Variants in EPOR observed in about 807,000 individuals in gnomAD.
The protein encoded by EPOR is erythropoietin receptor.
A neutral mutation model predicts 34.3 loss-of-function variants in EPOR; 20 were observed. The ratio of observed to expected loss-of-function variants is 0.58; its 90% confidence interval spans 0.41 to 0.85. The LOEUF is 0.85. EPOR is among the 40% of genes least tolerant of loss of function. The pLI is 0.00. For missense variants in EPOR, 601 were observed against 672.7 expected (o/e 0.89, Z 1.18); for synonymous variants, 312 against 299.0 (o/e 1.04, Z -0.45).
rs2144696910 is a variant in EPOR at position 11,380,986 on chromosome 19, G to A, written c.740-15C>T. On this transcript the variant is annotated splice_polypyrimidine_tract_variant and intron_variant, in intron 5 of 7. Coordinates refer to ENST00000222139, the MANE Select transcript of EPOR (RefSeq NM_000121.4). The stretch of plus-strand genomic sequence containing the variant: ...GGGGTCCAGGTCTAAGAGGCGGGGA[G>A]GAGGTCAGGGCGGTGGGCTTGCCCC... 3 of 1,553,268 alleles carry A rather than the reference G, an allele frequency of 1.9e-6. No homozygotes were observed. The highest frequency in any genetic ancestry group is 2.6e-6 in the Non-Finnish European group (3 of 1,147,722).
Position 11,384,275 on chromosome 19 carries a change from C to T in EPOR, c.-68G>A, listed in dbSNP as rs886054194. On this transcript the variant is annotated 5_prime_UTR_variant, in exon 1 of 8. It adds an upstream start codon to the 5' untranslated region. Transcript: ENST00000222139. ...CGTCCCCCGCCCCCGGCACAGTCCA[C>T]AGCTGGGTCAGCAGCTGCCTCCGCC... 5 of 1,080,354 alleles carry T rather than the reference C, an allele frequency of 4.6e-6. No homozygotes were observed. The highest frequency in any genetic ancestry group is 6.8e-6 in the Non-Finnish European group (5 of 731,526). The allele number at this position is 1,080,354 out of a possible 1,614,324, so 66.9% of individuals were successfully genotyped here.
chr19:11,382,212 T>G, intron 2 of EPOR, 107 bp from the exon 3 acceptor site: 1 of 905,584 alleles, frequency 1.1e-6, no homozygotes, highest in South Asian at 1.6e-5. Context: ...TAGCCTTGTG[T>G]GTGTGTGTGA....
Position 11,378,493 on chromosome 19 carries a change from C to T in EPOR, c.1018G>A (p.Gly340Arg). 6.2e-7 allele frequency: 1 copy of T among 1,614,226 alleles called. No individual in the cohort carries two copies. Among genetic ancestry groups the T allele is most frequent in the South Asian group, 1.1e-5 (1 of 91,086 alleles). The change falls in exon 8 of 8, where the codon GGG (glycine) becomes AGG (arginine). Residue 340 changes from glycine (G) to arginine (R), a missense_variant. Transcript: ENST00000222139. This position sits in a 1 kb window ranked among gnomAD's most constrained non-coding sequence, Gnocchi z 5.3. ...CCCGGCTCCACTGCCTGCATCGTCC[C>T]CCAGCAGCGCTCTGAGAGGACTTCC... ...SLEVLSERCW[G>R]TMQAVEPGTD... is the part of the protein sequence containing the mutation.
chr19:11,379,363 CCTGAGGTCAGGAGTTTG>C lies in EPOR; in HGVS notation c.828-602_828-586del, dbSNP rs200749660. 1.6e-3 allele frequency among the ~76,000 whole-genome samples: 244 copies of C among 152,162 alleles called. 6 individuals carry two copies. The East Asian group carries it at 0.043, about 27-fold the overall frequency. On this transcript the variant is annotated intron_variant, in intron 6 of 7. Transcript: ENST00000222139. ...TTGAGAGGCTGATGTGAGCAGATCACCTGAGGTCAGGAGTTTGAGACCAGCCTGGCCAACATGGTGGA... is the reference window on the plus strand; with the variant it reads ...TTGAGAGGCTGATGTGAGCAGATCACAGACCAGCCTGGCCAACATGGTGGA...
chr19:11,381,791 T>C lies in EPOR; in HGVS notation c.486A>G (p.Val162=), dbSNP rs1459800443. Residue 162 remains valine, a synonymous_variant, in exon 4 of 8, where the codon GTA becomes GTG. Coordinates refer to ENST00000222139, the MANE Select transcript of EPOR (RefSeq NM_000121.4). The surrounding 1 kb of genome is among the most constrained non-coding windows in gnomAD (Gnocchi z 5.3). Reference sequence around the variant, plus strand: ...CAGGCGGCGGGAGCCAGCGCAACACTACGTGGCCGCTCTCGTCAGCCAACC... The same window carrying C: ...CAGGCGGCGGGAGCCAGCGCAACACCACGTGGCCGCTCTCGTCAGCCAACC... ...VARLADESGH[V]VLRWLPPPET... 3 of 1,613,680 alleles carry C rather than the reference T, an allele frequency of 1.9e-6. No individual in the cohort carries two copies. Among genetic ancestry groups the C allele is most frequent in the South Asian group, 2.2e-5 (2 of 91,062 alleles).
Position 11,384,141 on chromosome 19 carries a change from C to A in EPOR, c.67G>T (p.Ala23Ser), listed in dbSNP as rs1359563617. The change falls in exon 1 of 8, where the codon GCC becomes TCC. Residue 23 changes from alanine (A) to serine (S), a missense_variant. Coordinates refer to ENST00000222139, the MANE Select transcript of EPOR (RefSeq NM_000121.4). ...GSLCLLLAGA[A>S]WAPPPNLPDP... ...GGGAGGTTAGGCGGGGGCGCCCAGG[C>A]GGCCCCAGCGAGCAGGAGACAAAGG... is the stretch of plus-strand genomic sequence containing the variant. 17 of 1,549,874 alleles carry A rather than the reference C, an allele frequency of 1.1e-5. No individual in the cohort carries two copies. The highest frequency in any genetic ancestry group is 1.5e-5 in the Non-Finnish European group (17 of 1,146,516).
In EPOR at chr19:11,378,260, C is replaced by T. The variant is rs779543346; in HGVS notation, c.1251G>A (p.Glu417=). 3 of 1,613,994 alleles carry T rather than the reference C, an allele frequency of 1.9e-6. No individual in the cohort carries two copies. The highest frequency in any genetic ancestry group is 1.7e-5 in the Admixed American group (1 of 59,990). The change falls in exon 8 of 8, where the codon GAG becomes GAA. Residue 417 remains glutamate (E), a synonymous_variant. Coordinates refer to ENST00000222139, the MANE Select transcript of EPOR (RefSeq NM_000121.4). The surrounding 1 kb of genome is among the most constrained non-coding windows in gnomAD (Gnocchi z 5.3). ...ACTCAAAGCTGGCAGCAGAGGCTCC[C>T]TCTGGGCTGGGCTTCGAGGCCAAAG... is the stretch of plus-strand genomic sequence containing the variant. ...SSALASKPSP[E]GASAASFEYT...
At position 11,377,630 on chromosome 19, in the gene EPOR, A is replaced by T; in HGVS notation, c.*354T>A. 2 of 482,064 alleles carry T rather than the reference A, an allele frequency of 4.1e-6. No individual in the cohort carries two copies. Among genetic ancestry groups the T allele is most frequent in the Non-Finnish European group, 8.1e-6 (2 of 246,314 alleles). The allele number at this position is 482,064 out of a possible 1,614,324, so 29.9% of individuals were successfully genotyped here. A position where few individuals can be genotyped will look rare whatever the true frequency, so the allele number is the denominator to read the frequency against. ...GAGCTGTTTAACATACTATTTTGTTATGTTATGAGTAGCATTCAGATTGCA... is the reference window on the plus strand; with the variant it reads ...GAGCTGTTTAACATACTATTTTGTTTTGTTATGAGTAGCATTCAGATTGCA... On this transcript the variant is annotated 3_prime_UTR_variant, in exon 8 of 8. Transcript: ENST00000222139.
rs938452346 is a variant in EPOR at position 11,377,756 on chromosome 19, G to A, written c.*228C>T. On this transcript the variant is annotated 3_prime_UTR_variant, in exon 8 of 8. Transcript: ENST00000222139. ...AAGGGTGTTTGTAGAAATCATGGTA[G>A]AAAAACTTACATACATATGTGTATA... 1.5e-6 allele frequency: 1 copy of A among 677,604 alleles called. No individual in the cohort carries two copies. Among genetic ancestry groups the A allele is most frequent in the Non-Finnish European group, 2.7e-6 (1 of 373,242 alleles). The allele number at this position is 677,604 out of a possible 1,614,324, so 42.0% of individuals were successfully genotyped here. A position where few individuals can be genotyped will look rare whatever the true frequency, so the allele number is the denominator to read the frequency against.
In EPOR at chr19:11,380,934, G is replaced by A. The variant is rs574109825; in HGVS notation, c.777C>T (p.Leu259=). ...CGGTCAGCAGCACCAGGATGACCAC[G>A]AGGATGAGGGAGAGCGTCAGGATGA... is the stretch of plus-strand genomic sequence containing the variant. ...DPLILTLSLI[L]VVILVLLTVL... The change falls in exon 6 of 8, where the codon CTC becomes CTT. Residue 259 remains leucine, a synonymous_variant. Transcript: ENST00000222139. 1.3e-5 allele frequency: 20 copies of A among 1,551,960 alleles called. No homozygotes were observed. The highest frequency in any genetic ancestry group is 2.0e-5 in the Admixed American group (1 of 51,000).
At chr19:11,380,549 G>C (rs1441735958) in intron 6 of EPOR, among the ~76,000 whole-genome samples, 1 of 152,208 alleles carries the variant, frequency 6.6e-6, no homozygotes, top group Non-Finnish European at 1.5e-5. Context: ...TTGACCGCAG[G>C]GGTGCGGAGG....
Position 11,384,265 on chromosome 19 carries a change from G to A in EPOR, c.-58C>T, listed in dbSNP as rs1212441161. On this transcript the variant is annotated 5_prime_UTR_variant, in exon 1 of 8. Coordinates refer to ENST00000222139, the MANE Select transcript of EPOR (RefSeq NM_000121.4). ...CCTGCCCCTCCGTCCCCCGCCCCCG[G>A]CACAGTCCACAGCTGGGTCAGCAGC... is the stretch of plus-strand genomic sequence containing the variant. 3 of 1,191,946 alleles carry A rather than the reference G, an allele frequency of 2.5e-6. No homozygotes were observed. Among genetic ancestry groups the A allele is most frequent in the Non-Finnish European group, 2.4e-6 (2 of 832,502 alleles). 73.8% of individuals were successfully genotyped at this position (1,191,946 alleles called of 1,614,324 possible).
In EPOR at chr19:11,378,688, T is replaced by C. The variant is rs771710255; in HGVS notation, c.915+3A>G. 1 of 1,614,166 alleles carries C rather than the reference T, an allele frequency of 6.2e-7. No individual in the cohort carries two copies. Among genetic ancestry groups the C allele is most frequent in the Non-Finnish European group, 8.5e-7 (1 of 1,179,982 alleles). On this transcript the variant is annotated splice_donor_region_variant and intron_variant, in intron 7 of 7. Transcript: ENST00000222139. This position sits in a 1 kb window ranked among gnomAD's most constrained non-coding sequence, Gnocchi z 5.3. ...GCACTGAGGGGACAACCAGGCCACC[T>C]ACCTGGAAGTTACCCTTGTGGGTGG...
chr19:11,381,752 C>T lies in EPOR; in HGVS notation c.525G>A (p.Thr175=), dbSNP rs1188705170. ...CGTCCACCTCGTAGCGGATGTGAGA[C>T]GTCATGGGTGTCTCAGGCGGCGGGA... ...RWLPPPETPM[T]SHIRYEVDVS... The change falls in exon 4 of 8, where the codon ACG becomes ACA. Residue 175 remains threonine (T), a synonymous_variant. Coordinates refer to ENST00000222139, the MANE Select transcript of EPOR (RefSeq NM_000121.4). This position sits in a 1 kb window ranked among gnomAD's most constrained non-coding sequence, Gnocchi z 5.3. 2.5e-6 allele frequency: 4 copies of T among 1,613,234 alleles called. No individual in the cohort carries two copies. The highest frequency in any genetic ancestry group is 3.4e-6 in the Non-Finnish European group (4 of 1,179,758).
chr19:11,378,774 G>C lies in EPOR; in HGVS notation c.832C>G (p.Leu278Val), dbSNP rs749153526. The stretch of plus-strand genomic sequence containing the variant: ...ATGCCAGGCCAGATCTTCTGCTTCA[G>C]AGCCCTGTTGAAGCCAATATAAATA... ...VLALLSHRRA[L>V]KQKIWPGIPS... The change falls in exon 7 of 8, where the codon CTG becomes GTG. Residue 278 changes from leucine (L) to valine (V), a missense_variant. Physicochemically the swap from Leu to Val is conservative, Grantham distance 32 (BLOSUM62 1). Coordinates refer to ENST00000222139, the MANE Select transcript of EPOR (RefSeq NM_000121.4). The surrounding 1 kb of genome is among the most constrained non-coding windows in gnomAD (Gnocchi z 5.3). The C allele has an allele frequency of 1.1e-5, 18 of 1,614,052 alleles. No homozygotes were observed. In the South Asian group the frequency reaches 1.9e-4, roughly 17 times the overall value.
rs1483847243 is a variant in EPOR at position 11,384,123 on chromosome 19, T to G, written c.85A>C (p.Asn29His). 1.3e-6 allele frequency: 2 copies of G among 1,550,362 alleles called. No homozygotes were observed. The highest frequency in any genetic ancestry group is 1.7e-6 in the Non-Finnish European group (2 of 1,146,492). ...CTCTCGAACTTGGGGTCCGGGAGGT[T>G]AGGCGGGGGCGCCCAGGCGGCCCCA... ...LAGAAWAPPP[N>H]LPDPKFESKA... is the part of the protein sequence containing the mutation. Residue 29 changes from asparagine to histidine, a missense_variant, in exon 1 of 8, where the codon AAC (asparagine) becomes CAC (histidine). Transcript: ENST00000222139.
chr19:11,378,533 G>A lies in EPOR; in HGVS notation c.978C>T (p.Asp326=), dbSNP rs2144694684. 5 of 1,614,200 alleles carry A rather than the reference G, an allele frequency of 3.1e-6. No individual in the cohort carries two copies. In the South Asian group the frequency reaches 5.5e-5, roughly 18 times the overall value. Residue 326 remains aspartate, a synonymous_variant, in exon 8 of 8, where the codon GAC becomes GAT. Transcript: ENST00000222139. The surrounding 1 kb of genome is among the most constrained non-coding windows in gnomAD (Gnocchi z 5.3). ...WWSPCTPFTE[D]PPASLEVLSE... ...AGAGGACTTCCAGGGAAGCAGGTGG[G>A]TCCTCCGTGAAGGGGGTGCAGGGGC...
Position 11,381,226 on chromosome 19 carries a change from G to A in EPOR, c.586-17C>T, listed in dbSNP as rs760933986. On this transcript the variant is annotated splice_polypyrimidine_tract_variant and intron_variant, in intron 4 of 7. Coordinates refer to ENST00000222139, the MANE Select transcript of EPOR (RefSeq NM_000121.4). This position sits in a 1 kb window ranked among gnomAD's most constrained non-coding sequence, Gnocchi z 5.3. ...GATCTCCACCTGGGGGCGGAATCAGGGCGAGGGACGCGTAGCAGACAAAAA... is the reference window on the plus strand; with the variant it reads ...GATCTCCACCTGGGGGCGGAATCAGAGCGAGGGACGCGTAGCAGACAAAAA... 118 of 1,548,722 alleles carry A rather than the reference G, an allele frequency of 7.6e-5. No homozygotes were observed. Among genetic ancestry groups the A allele is most frequent in the Non-Finnish European group, 9.8e-5 (112 of 1,146,944 alleles).
rs1406631752 is a variant in EPOR, at chr19:11,382,041, A to G, written c.316T>C (p.Trp106Arg). The change falls in exon 3 of 8, where the codon TGG becomes CGG. Residue 106 changes from tryptophan to arginine, a missense_variant. Coordinates refer to ENST00000222139, the MANE Select transcript of EPOR (RefSeq NM_000121.4). ...APTARGAVRF[W>R]CSLPTADTSS... is the part of the protein sequence containing the mutation. ...GTGTCGGCTGTAGGCAGCGAACACCAGAAGCGCACCGCACCACGAGCCGTG... is the reference window on the plus strand; with the variant it reads ...GTGTCGGCTGTAGGCAGCGAACACCGGAAGCGCACCGCACCACGAGCCGTG... 15 of 1,614,168 alleles carry G rather than the reference A, an allele frequency of 9.3e-6. No homozygotes were observed. Among genetic ancestry groups the G allele is most frequent in the Non-Finnish European group, 1.3e-5 (15 of 1,180,026 alleles).
Sources: gnomAD v4.1 joint callset for allele counts (sites outside exome capture counted in the v4.1 genomes callset) on GRCh38, gnomAD v4.1.1 for gene constraint, Gnocchi (gnomAD v3.1) non-coding constraint, MANE v1.5 for transcripts, NCBI Gene and HGNC (gene_info 2026-07-23, HGNC 2026-07-21) for gene names.